Variants in CNBD1 observed in about 807,000 individuals in gnomAD.
CNBD1 encodes the protein cyclic nucleotide binding domain containing 1.
CNBD1 carries 71 observed loss-of-function variants against 54.4 expected under a neutral mutation model. The observed-to-expected ratio is 1.30, with a 90% CI of 1.08 to 1.59. The LOEUF (loss-of-function observed/expected upper bound fraction) is 1.59. Ranked by LOEUF, CNBD1 falls within the 40% of genes most tolerant of loss-of-function variation. The pLI is 0.00. For synonymous variants in CNBD1, 182 were observed against 170.7 expected, an observed-to-expected ratio of 1.07 and a Z score of -0.51; for missense variants, 659 against 518.0, an observed-to-expected ratio of 1.27 and a Z score of -2.64.
intron 10 of CNBD1, among the ~76,000 whole-genome samples, chr8:87,363,719 AT>A (rs1208073937): frequency 6.6e-6 from 1 of 151,076 alleles, no homozygotes; most frequent in African/African-American, 2.4e-5. Flanking sequence ...TTTTCTTGTG[AT>A]TTTGTTTAAG....
At chr8:87,401,631 T>A (rs1388663941) in intron 2 of CNBD1, among the ~76,000 whole-genome samples, 1 of 152,094 alleles carries the variant, frequency 6.6e-6, no homozygotes, top group Non-Finnish European at 1.5e-5. Flanking sequence ...CATGAGAATC[T>A]GCATCCATGC....
chr8:87,340,350 G>T (rs1379600296), intron 8 of CNBD1, among the ~76,000 whole-genome samples: 1 of 152,106 alleles, frequency 6.6e-6, no homozygotes, highest in East Asian at 1.9e-4. Context: ...AAATCAAATT[G>T]TCTTTGATTC....
chr8:87,183,384 TG>T (rs77265299), intron 4 of CNBD1, among the ~76,000 whole-genome samples: 29 of 79,006 alleles, frequency 3.7e-4, no homozygotes, highest in East Asian at 2.2e-3. Flanking sequence ...TTGCGCTGTT[TG>T]TTTTTTTTTT....
chr8:87,037,473 C>A (rs1178822291), intron 4 of CNBD1, among the ~76,000 whole-genome samples: 2 of 152,080 alleles, frequency 1.3e-5, no homozygotes, highest in Non-Finnish European at 2.9e-5. Flanking sequence ...TTCTGGAATT[C>A]ATAATAAACA....
chr8:87,232,893 G>A (rs568600872), intron 5 of CNBD1, among the ~76,000 whole-genome samples: 9 of 152,138 alleles, frequency 5.9e-5, no homozygotes, highest in East Asian at 5.8e-4. Flanking sequence ...CAGTTTTTCC[G>A]AAGTAATAGT....
chr8:87,324,826 A>T (rs1381858343), intron 8 of CNBD1, among the ~76,000 whole-genome samples: 2 of 115,948 alleles, frequency 1.7e-5, no homozygotes, highest in East Asian at 4.2e-4. Flanking sequence ...GATTTTAGTT[A>T]TTTCTTGCCT....
intron 6 of CNBD1, among the ~76,000 whole-genome samples, chr8:87,242,933 C>T (rs757918810): frequency 3.0e-4 from 46 of 152,108 alleles, no homozygotes; most frequent in Non-Finnish European, 6.0e-4. Context: ...AATAACAAAA[C>T]CTCTGAAAAA....
At chr8:87,228,164 T>A (rs1365955784) in intron 5 of CNBD1, among the ~76,000 whole-genome samples, 57 of 150,336 alleles carry the variant, frequency 3.8e-4, no homozygotes, top group South Asian at 8.3e-4. Context: ...CAAAGTTTTC[T>A]ACTTCTTTGC....
intron 2 of CNBD1, among the ~76,000 whole-genome samples, chr8:86,902,780 A>C (rs950720890): frequency 6.6e-6 from 1 of 152,008 alleles, no homozygotes; most frequent in Admixed American, 6.6e-5. Flanking sequence ...AGGGTCAGAT[A>C]GGTATTTAGG....
chr8:87,211,775 C>A (rs1255342995), intron 5 of CNBD1, among the ~76,000 whole-genome samples: 1 of 152,198 alleles, frequency 6.6e-6, no homozygotes, highest in East Asian at 1.9e-4. Flanking sequence ...AATTAAACCT[C>A]TTTTCTTTAT....
intron 3 of CNBD1, among the ~76,000 whole-genome samples, chr8:86,927,921 A>G (rs1304541174): frequency 6.6e-6 from 1 of 152,016 alleles, no homozygotes; most frequent in East Asian, 1.9e-4. Flanking sequence ...GGGACTCCTG[A>G]GCTGATGGTC....
intron 5 of CNBD1, among the ~76,000 whole-genome samples, chr8:87,217,116 T>A (rs1814228776): frequency 6.6e-6 from 1 of 152,148 alleles, no homozygotes; most frequent in Non-Finnish European, 1.5e-5. Context: ...AACTCTTTTT[T>A]ATGAAAGTGA....
chr8:87,184,112 G>A (rs1044604029), intron 4 of CNBD1, among the ~76,000 whole-genome samples: 3 of 152,216 alleles, frequency 2.0e-5, no homozygotes, highest in Admixed American at 6.5e-5. Context: ...ATGTGCTCAC[G>A]GGTTGGCTGT....
chr8:87,293,312 G>A (rs1808819007), intron 8 of CNBD1, among the ~76,000 whole-genome samples: 1 of 152,110 alleles, frequency 6.6e-6, no homozygotes, highest in Non-Finnish European at 1.5e-5. Flanking sequence ...GGGAGGCTGA[G>A]GTGGGCTGAC....
intron 2 of CNBD1, among the ~76,000 whole-genome samples, chr8:87,396,454 T>C (rs1811409774): frequency 6.6e-6 from 1 of 151,946 alleles, no homozygotes; most frequent in Non-Finnish European, 1.5e-5. Context: ...ACATGTGTTA[T>C]TTATAATACT....
At chr8:87,043,871 C>A (rs778355871) in intron 4 of CNBD1, among the ~76,000 whole-genome samples, 1 of 152,202 alleles carries the variant, frequency 6.6e-6, no homozygotes, top group Non-Finnish European at 1.5e-5. Context: ...TTCATCCCTG[C>A]CCTGGTCATA....
chr8:87,260,009 A>G (rs1483754985), intron 6 of CNBD1, among the ~76,000 whole-genome samples: 1 of 152,212 alleles, frequency 6.6e-6, no homozygotes, highest in African/African-American at 2.4e-5. Flanking sequence ...CGACAAGGAT[A>G]CACAGACATT....
intron 4 of CNBD1, among the ~76,000 whole-genome samples, chr8:86,978,322 A>G (rs546140700): frequency 6.6e-6 from 1 of 152,238 alleles, no homozygotes; most frequent in South Asian, 2.1e-4. Context: ...AACAACAACA[A>G]TATTATTCAG....
intron 4 of CNBD1, among the ~76,000 whole-genome samples, chr8:87,031,869 T>C (rs1471953334): frequency 1.3e-5 from 2 of 152,234 alleles, no homozygotes; most frequent in East Asian, 3.9e-4. Flanking sequence ...GCCTCCTGAG[T>C]AGCTGGGATT....
Sources: allele counts gnomAD v4.1 joint callset (sites outside exome capture counted in the v4.1 genomes callset), GRCh38; gene constraint gnomAD v4.1.1; transcripts MANE v1.5; gene names NCBI Gene and HGNC (gene_info 2026-07-23, HGNC 2026-07-21).